The following BARX2 variants were observed in gnomAD, a reference collection of about 807,000 sequenced individuals.
BARX2 encodes homeobox protein BarH-like 2.
Under a neutral mutation model 25.5 loss-of-function variants are expected in BARX2, and 11 were observed. The observed-to-expected ratio is 0.43, with a 90% CI of 0.27 to 0.71. The LOEUF (loss-of-function observed/expected upper bound fraction) is 0.71, where lower values mean the gene tolerates loss of function less well. Among genes scored for constraint, BARX2 ranks in the 30% least tolerant of loss-of-function variants. The pLI is 0.19. For missense variants in BARX2, 360 were observed against 359.9 expected, an observed-to-expected ratio of 1.00 and a Z score of 0.00; for synonymous variants, 137 against 149.5, an observed-to-expected ratio of 0.92 and a Z score of 0.61.
At chr11:129,416,725 A>T (rs1471383280) in intron 1 of BARX2, among the ~76,000 whole-genome samples, 1 of 151,810 alleles carries the variant, frequency 6.6e-6, no homozygotes, top group African/African-American at 2.4e-5. Context: ...CTTGAACCTG[A>T]CTCTCATAGC....
intron 1 of BARX2, among the ~76,000 whole-genome samples, chr11:129,407,825 A>G (rs1294114796): frequency 1.3e-5 from 2 of 152,148 alleles, no homozygotes; most frequent in Admixed American, 1.3e-4. Context: ...CACGGAGGAA[A>G]GGCTCTTACC....
rs59310534 is a variant in BARX2 at position 129,408,020 on chromosome 11, C to CAAA, written c.188-28706_188-28704dup. Among the ~76,000 whole-genome samples, 46 of 46,472 alleles carry CAAA rather than the reference C, an allele frequency of 9.9e-4. 3 individuals are homozygous for CAAA. Among genetic ancestry groups the CAAA allele is most frequent in the Admixed American group, 3.2e-3 (11 of 3,388 alleles). 30.5% of individuals were successfully genotyped at this position (46,472 alleles called of 152,430 possible). A position where few individuals can be genotyped will look rare whatever the true frequency, so the allele number is the denominator to read the frequency against. On this transcript the variant is annotated intron_variant, in intron 1 of 3. Transcript: ENST00000281437. ...ATTGAGACAGAGCCAGACTCCGTCT[C>CAAA]AAAAAAAAAAAAAAAAAAAAAAAAA... is the stretch of plus-strand genomic sequence containing the variant.
chr11:129,435,449 G>C (rs2135411083), intron 1 of BARX2, among the ~76,000 whole-genome samples: 1 of 152,346 alleles, frequency 6.6e-6, no homozygotes, highest in South Asian at 2.1e-4. Context: ...AGAGAAGAGA[G>C]CTGGAGCACA....
chr11:129,429,529 GA>G (rs1328688584), intron 1 of BARX2, among the ~76,000 whole-genome samples: 1 of 151,182 alleles, frequency 6.6e-6, no homozygotes, highest in Non-Finnish European at 1.5e-5. Flanking sequence ...TGTCTCTAAG[GA>G]AAAAAAACGG....
At chr11:129,375,703 A>C (rs1243075949), upstream of BARX2, among the ~76,000 whole-genome samples, 1 of 146,124 alleles carries the variant, frequency 6.8e-6, no homozygotes. This position sits in a 1 kb window ranked among gnomAD's most constrained non-coding sequence, Gnocchi z 4.0. Context: ...CTAGGCGCGC[A>C]GGTCGGCGCC....
intron 2 of BARX2, among the ~76,000 whole-genome samples, chr11:129,438,990 A>G (rs1227851239): frequency 1.3e-5 from 2 of 152,214 alleles, no homozygotes; most frequent in African/African-American, 4.8e-5. Flanking sequence ...AACTGCAAGT[A>G]GCCAGGACAT....
chr11:129,396,709 G>A (rs1861724598), intron 1 of BARX2, among the ~76,000 whole-genome samples: 1 of 152,132 alleles, frequency 6.6e-6, no homozygotes, highest in Admixed American at 6.5e-5. Context: ...CATGAAAAAG[G>A]AATTGGAGTA....
At chr11:129,441,683 C>A (rs1862262297) in intron 2 of BARX2, among the ~76,000 whole-genome samples, 1 of 152,146 alleles carries the variant, frequency 6.6e-6, no homozygotes, top group Non-Finnish European at 1.5e-5. Context: ...CTTCTGACCT[C>A]AGGTGATCCA....
At chr11:129,441,475 G>A (rs905880568) in intron 2 of BARX2, among the ~76,000 whole-genome samples, 4 of 152,152 alleles carry the variant, frequency 2.6e-5, no homozygotes, top group African/African-American at 9.7e-5. Context: ...TTTTGACAAT[G>A]TCTCACTCCA....
Position 129,416,644 on chromosome 11 carries a change from A to T in BARX2, c.188-20107A>T, listed in dbSNP as rs77461201. On this transcript the variant is annotated intron_variant, in intron 1 of 3. Coordinates refer to ENST00000281437, the MANE Select transcript of BARX2 (RefSeq NM_003658.5). Reference sequence around the variant, plus strand: ...GAACTCTGACCTGCTAGAAGCTCTAATGAGTCATGAATGGGCTAATGAGTT... The same window carrying T: ...GAACTCTGACCTGCTAGAAGCTCTATTGAGTCATGAATGGGCTAATGAGTT... 2.0e-3 allele frequency among the ~76,000 whole-genome samples: 308 copies of T among 152,290 alleles called. 2 individuals are homozygous for T. Among genetic ancestry groups the T allele is most frequent in the Middle Eastern group, 0.014 (4 of 294 alleles).
chr11:129,392,863 A>G (rs1447511107), intron 1 of BARX2, among the ~76,000 whole-genome samples: 1 of 152,120 alleles, frequency 6.6e-6, no homozygotes, highest in East Asian at 1.9e-4. Context: ...CACTTGCCTC[A>G]GCCTCCCAAA....
intron 3 of BARX2, among the ~76,000 whole-genome samples, chr11:129,444,555 C>T (rs975473104): frequency 3.3e-5 from 5 of 152,180 alleles, no homozygotes; most frequent in African/African-American, 1.2e-4. Context: ...AAATATCACC[C>T]TTGCCTTCAT....
intron 1 of BARX2, among the ~76,000 whole-genome samples, chr11:129,422,034 T>A (rs1862009907): frequency 6.6e-6 from 1 of 152,182 alleles, no homozygotes; most frequent in Non-Finnish European, 1.5e-5. Flanking sequence ...CTTGGTTAGA[T>A]CTTCCTGAAT....
intron 3 of BARX2, among the ~76,000 whole-genome samples, chr11:129,447,383 G>A (rs1862343586): frequency 6.6e-6 from 1 of 152,192 alleles, no homozygotes; most frequent in South Asian, 2.1e-4. Context: ...GAGGCAGAAG[G>A]AGGCATGTGA....
At chr11:129,450,580 C>G (rs1862385262) in intron 3 of BARX2, among the ~76,000 whole-genome samples, 1 of 152,206 alleles carries the variant, frequency 6.6e-6, no homozygotes, top group Non-Finnish European at 1.5e-5. Flanking sequence ...TCACCCCCCT[C>G]CAACTTTTGC....
At chr11:129,450,379 C>T (rs755085824) in intron 3 of BARX2, among the ~76,000 whole-genome samples, 71 of 152,196 alleles carry the variant, frequency 4.7e-4, no homozygotes, top group Non-Finnish European at 4.1e-4. Flanking sequence ...TCACTGCAGA[C>T]AAGGTGGTGT....
At chr11:129,415,790 G>A (rs1222720587) in intron 1 of BARX2, among the ~76,000 whole-genome samples, 1 of 152,212 alleles carries the variant, frequency 6.6e-6, no homozygotes, top group Non-Finnish European at 1.5e-5. Context: ...TCCTCCTGAA[G>A]AAAAGGTGCC....
chr11:129,446,691 C>T (rs1004277973), intron 3 of BARX2, among the ~76,000 whole-genome samples: 1 of 152,166 alleles, frequency 6.6e-6, no homozygotes, highest in Non-Finnish European at 1.5e-5. Context: ...GAGCATTTGT[C>T]CTTTCTCAGT....
At chr11:129,392,260 TGA>T (rs926943097) in intron 1 of BARX2, among the ~76,000 whole-genome samples, 19 of 152,216 alleles carry the variant, frequency 1.2e-4, no homozygotes, top group African/African-American at 3.4e-4. Flanking sequence ...CACTGTGGGG[TGA>T]GAGATGCGAA....
Sources: gnomAD v4.1 joint callset for allele counts (sites outside exome capture counted in the v4.1 genomes callset) on GRCh38, gnomAD v4.1.1 for gene constraint, Gnocchi (gnomAD v3.1) non-coding constraint, MANE v1.5 for transcripts, NCBI Gene and HGNC (gene_info 2026-07-23, HGNC 2026-07-21) for gene names.